Variants in C10orf71 observed in about 807,000 individuals in gnomAD.
C10orf71 encodes the protein chromosome 10 open reading frame 71, also known as cardiac-enriched FHL2-interacting protein.
For missense variants in C10orf71, 1,869 were observed against 1,804.5 expected, an observed-to-expected ratio of 1.04 and a Z score of -0.65; for synonymous variants, 758 against 726.3, an observed-to-expected ratio of 1.04 and a Z score of -0.70.
Position 49,325,785 on chromosome 10 carries a change from C to T in C10orf71, c.3240C>T (p.Ser1080=), listed in dbSNP as rs750427970. ...CCAGCAACATTTGGGAGGAGTCTTC[C>T]CAGGCCCCTGGAGGACCAGAGCTGC... ...PAASNIWEES[S]QAPGGPELLP... Residue 1080 remains serine (S), a synonymous_variant, in exon 3 of 3, where the codon TCC becomes TCT. Transcript: ENST00000374144. 4.1e-5 allele frequency: 64 copies of T among 1,551,378 alleles called. No individual in the cohort carries two copies. In the South Asian group the frequency reaches 6.9e-4, roughly 17 times the overall value.
intron 1 of C10orf71, among the ~76,000 whole-genome samples, chr10:49,299,867 G>A (rs144121331): frequency 1.4e-4 from 22 of 152,322 alleles, no homozygotes; most frequent in Non-Finnish European, 3.1e-4. Context: ...CACACCAGCT[G>A]TAACAAAGAG....
At chr10:49,304,006 G>A (rs1312410913) in intron 1 of C10orf71, among the ~76,000 whole-genome samples, 1 of 152,190 alleles carries the variant, frequency 6.6e-6, no homozygotes, top group Admixed American at 6.5e-5. Context: ...ATTCCCAGGG[G>A]TGCTCTGTGT....
At position 49,324,046 on chromosome 10, in the gene C10orf71, T is replaced by A; in HGVS notation, c.1501T>A (p.Phe501Ile). ...SYKSKAPSLL[F>I]NLKDVRKRVK... ...CAAGTCCAAAGCCCCTAGCCTGCTG[T>A]TCAACCTCAAGGACGTGCGGAAGCG... Residue 501 changes from phenylalanine to isoleucine, a missense_variant, in exon 3 of 3, where the codon TTC (phenylalanine) becomes ATC (isoleucine). By Grantham distance (21) the Phe-to-Ile change is conservative. Coordinates refer to ENST00000374144, the MANE Select transcript of C10orf71 (RefSeq NM_001135196.2). 2 of 1,613,810 alleles carry A rather than the reference T, an allele frequency of 1.2e-6. No individual in the cohort carries two copies. Among genetic ancestry groups the A allele is most frequent in the Non-Finnish European group, 1.7e-6 (2 of 1,179,826 alleles).
At position 49,327,174 on chromosome 10, in the gene C10orf71, C is replaced by A; in HGVS notation, c.*321C>A. The A allele has an allele frequency of 1.4e-6, 1 of 716,612 alleles. No individual in the cohort carries two copies. Among genetic ancestry groups the A allele is most frequent in the Non-Finnish European group, 2.1e-6 (1 of 484,942 alleles). 44.4% of individuals were successfully genotyped at this position (716,612 alleles called of 1,614,324 possible). A position where few individuals can be genotyped will look rare whatever the true frequency, so the allele number is the denominator to read the frequency against. On this transcript the variant is annotated 3_prime_UTR_variant, in exon 3 of 3. Coordinates refer to ENST00000374144, the MANE Select transcript of C10orf71 (RefSeq NM_001135196.2). Reference sequence around the variant, plus strand: ...CCTCCCTCTCCTGGCCCACCCTGCTCTTCCCTCGCCCTGCAAATTAGGTGG... The same window carrying A: ...CCTCCCTCTCCTGGCCCACCCTGCTATTCCCTCGCCCTGCAAATTAGGTGG...
At chr10:49,297,294 T>C (rs973467228), upstream of C10orf71, among the ~76,000 whole-genome samples, 7 of 152,220 alleles carry the variant, frequency 4.6e-5, no homozygotes, top group Non-Finnish European at 8.8e-5. Flanking sequence ...TGCAACATTT[T>C]CTAACATCTG....
Position 49,323,067 on chromosome 10 carries a change from C to T in C10orf71, c.522C>T (p.Pro174=), listed in dbSNP as rs1490268559. Residue 174 remains proline (P), a synonymous_variant, in exon 3 of 3, where the codon CCC becomes CCT. Coordinates refer to ENST00000374144, the MANE Select transcript of C10orf71 (RefSeq NM_001135196.2). The part of the protein sequence containing the change: ...ASKPPALKNP[P]KFAPLPENSV... ...AGCCTCCGGCTCTGAAAAATCCTCC[C>T]AAATTCGCTCCTCTTCCAGAAAACA... 1 of 1,614,018 alleles carries T rather than the reference C, an allele frequency of 6.2e-7. No homozygotes were observed. Among genetic ancestry groups the T allele is most frequent in the Admixed American group, 1.7e-5 (1 of 60,036 alleles).
At chr10:49,304,426 G>A (rs944781670) in intron 1 of C10orf71, among the ~76,000 whole-genome samples, 2 of 152,196 alleles carry the variant, frequency 1.3e-5, no homozygotes, top group African/African-American at 4.8e-5. Context: ...CCCACTGAGT[G>A]AGGCCATGGA....
Position 49,325,265 on chromosome 10 carries a change from C to G in C10orf71, c.2720C>G (p.Ala907Gly), listed in dbSNP as rs1048307566. 6.4e-7 allele frequency: 1 copy of G among 1,551,592 alleles called. No homozygotes were observed. Among genetic ancestry groups the G allele is most frequent in the Non-Finnish European group, 8.7e-7 (1 of 1,147,006 alleles). Residue 907 changes from alanine to glycine, a missense_variant, in exon 3 of 3, where the codon GCC becomes GGC. By Grantham distance (60) the Ala-to-Gly change is moderately conservative. Transcript: ENST00000374144. ...PEWGEDPGFC[A>G]PENQDILGTS... ...TGGGGTGAGGATCCTGGGTTTTGTG[C>G]CCCCGAAAACCAGGACATTCTTGGT...
At chr10:49,319,687 T>TAG (rs1253944993) in intron 2 of C10orf71, among the ~76,000 whole-genome samples, 2 of 3,196 alleles carry the variant, frequency 6.3e-4, no homozygotes, top group African/African-American at 1.4e-3. Context: ...ACAAGCTATA[T>TAG]ATATATATAT....
intron 1 of C10orf71, among the ~76,000 whole-genome samples, chr10:49,303,906 G>GA (rs1433580600): frequency 6.6e-6 from 1 of 152,196 alleles, no homozygotes; most frequent in African/African-American, 2.4e-5. Flanking sequence ...TTGGAGAAAG[G>GA]ACAGCAGTCA....
At chr10:49,297,522 G>A (rs1398789035), upstream of C10orf71, among the ~76,000 whole-genome samples, 2 of 152,186 alleles carry the variant, frequency 1.3e-5, no homozygotes, top group Non-Finnish European at 2.9e-5. Context: ...GATGGTTGAG[G>A]TGTAGCAAAA....
intron 2 of C10orf71, among the ~76,000 whole-genome samples, chr10:49,319,464 C>T (rs1001522557): frequency 2.0e-5 from 3 of 152,124 alleles, no homozygotes; most frequent in African/African-American, 7.2e-5. Context: ...CTAGAAGTTC[C>T]TTAAAAATTT....
intron 1 of C10orf71, among the ~76,000 whole-genome samples, chr10:49,305,832 GT>G (rs1020785756): frequency 2.6e-5 from 4 of 152,166 alleles, no homozygotes; most frequent in African/African-American, 9.7e-5. Flanking sequence ...GTCTCAGAGA[GT>G]TTTTTTTAAA....
chr10:49,304,024 C>G (rs1848771596), intron 1 of C10orf71, among the ~76,000 whole-genome samples: 1 of 152,188 alleles, frequency 6.6e-6, no homozygotes. Flanking sequence ...TGTGAGGTCC[C>G]CTTCTCCTTA....
At chr10:49,308,180 C>A (rs1848849611) in intron 1 of C10orf71, among the ~76,000 whole-genome samples, 1 of 152,230 alleles carries the variant, frequency 6.6e-6, no homozygotes, top group Admixed American at 6.5e-5. Context: ...CAAGCCCAGG[C>A]AAGCTGGTTT....
At chr10:49,309,527 A>G (rs1848874565) in intron 1 of C10orf71, among the ~76,000 whole-genome samples, 2 of 152,184 alleles carry the variant, frequency 1.3e-5, no homozygotes, top group African/African-American at 4.8e-5. Context: ...CTCCTAGCCT[A>G]TGATATTTTA....
rs1210661026 is a variant in C10orf71 at position 49,324,935 on chromosome 10, G to A, written c.2390G>A (p.Gly797Glu). 6.4e-7 allele frequency: 1 copy of A among 1,550,882 alleles called. No individual in the cohort carries two copies. Among genetic ancestry groups the A allele is most frequent in the Admixed American group, 2.0e-5 (1 of 50,962 alleles). The change falls in exon 3 of 3, where the codon GGG (glycine) becomes GAG (glutamate). Residue 797 changes from glycine to glutamate, a missense_variant. Physicochemically the swap from Gly to Glu is moderately conservative, Grantham distance 98 (BLOSUM62 -2). Transcript: ENST00000374144. ...GCATGCCTGGAAAACCGCAGCCAGG[G>A]GGAAGCATTGCAAAGAGAAAGGGAA... ...GHACLENRSQ[G>E]EALQRERESV...
intron 2 of C10orf71, among the ~76,000 whole-genome samples, chr10:49,317,912 T>C (rs148824869): frequency 3.3e-5 from 5 of 152,150 alleles, no homozygotes; most frequent in Non-Finnish European, 7.4e-5. Flanking sequence ...GAGACAAGCA[T>C]AGAGGGAAGA....
Position 49,323,043 on chromosome 10 carries a change from G to A in C10orf71, c.498G>A (p.Lys166=). ...GTGAGAGCAGGCCCACTGCCAGCAA[G>A]CCTCCGGCTCTGAAAAATCCTCCCA... ...QRCESRPTAS[K]PPALKNPPKF... The change falls in exon 3 of 3, where the codon AAG becomes AAA. Residue 166 remains lysine, a synonymous_variant. Transcript: ENST00000374144. The A allele has an allele frequency of 1.2e-6, 2 of 1,613,960 alleles. No individual in the cohort carries two copies. Among genetic ancestry groups the A allele is most frequent in the South Asian group, 2.2e-5 (2 of 91,080 alleles).
Sources: allele counts gnomAD v4.1 joint callset (sites outside exome capture counted in the v4.1 genomes callset), GRCh38; gene constraint gnomAD v4.1.1; transcripts MANE v1.5; gene names NCBI Gene and HGNC (gene_info 2026-07-23, HGNC 2026-07-21).